CLIC5: variants seen among roughly 807,000 people sequenced by gnomAD.
CLIC5 encodes CLIC family member 5, also known as chloride intracellular channel protein 5.
A neutral mutation model predicts 24.7 loss-of-function variants in CLIC5; 20 were observed. The observed-to-expected ratio is 0.81, with a 90% CI of 0.57 to 1.18. The LOEUF (loss-of-function observed/expected upper bound fraction) is 1.18. Ranked by LOEUF, CLIC5 falls within the 50% of genes most tolerant of loss-of-function variation. The probability of loss-of-function intolerance (pLI) is 0.00; values close to 1 mark genes in which losing one functional copy is unlikely to be tolerated. For synonymous variants in CLIC5, 159 were observed against 135.6 expected (o/e 1.17, Z -1.20); for missense variants, 341 against 326.1 (o/e 1.05, Z -0.35).
chr6:46,023,499 T>C (rs765520431), intron 1 of CLIC5, among the ~76,000 whole-genome samples: 1 of 152,102 alleles, frequency 6.6e-6, no homozygotes, highest in Non-Finnish European at 1.5e-5. Flanking sequence ...ACTGAATTGG[T>C]GGGATAAGTA....
intron 4 of CLIC5, among the ~76,000 whole-genome samples, chr6:45,918,468 G>A (rs1212346716): frequency 2.0e-5 from 3 of 152,234 alleles, no homozygotes; most frequent in Non-Finnish European, 4.4e-5. Flanking sequence ...AGGTCCTGAT[G>A]AGCATAAGGC....
intron 5 of CLIC5, chr6:45,911,809 A>T: frequency 1.0e-6 from 1 of 985,444 alleles, no homozygotes; most frequent in Non-Finnish European, 1.2e-6. Flanking sequence ...AGGCCTGCAG[A>T]TGCCTCTCCC....
chr6:45,956,289 A>G (rs1764639252), intron 1 of CLIC5, among the ~76,000 whole-genome samples: 1 of 152,176 alleles, frequency 6.6e-6, no homozygotes, highest in Non-Finnish European at 1.5e-5. Context: ...CATAATACTT[A>G]GAGGAAGAAA....
the CLIC5 span, among the ~76,000 whole-genome samples, chr6:46,111,515 C>A: frequency 6.6e-6 from 1 of 152,184 alleles, no homozygotes; most frequent in African/African-American, 2.4e-5. Flanking sequence ...TGGGACACAG[C>A]TATTCAATTG....
chr6:45,889,994 C>T (rs1762336015), intron 6 of CLIC5, among the ~76,000 whole-genome samples: 1 of 152,134 alleles, frequency 6.6e-6, no homozygotes, highest in Non-Finnish European at 1.5e-5. Flanking sequence ...ATGGAAAGCT[C>T]TCCAAGACAC....
chr6:45,908,791 T>C (rs955601429), intron 5 of CLIC5, among the ~76,000 whole-genome samples: 1 of 152,222 alleles, frequency 6.6e-6, no homozygotes, highest in African/African-American at 2.4e-5. Flanking sequence ...TTATGTCCAA[T>C]TGTCAAGTGT....
upstream of CLIC5, among the ~76,000 whole-genome samples, chr6:46,082,460 C>A (rs1398899030): frequency 6.6e-6 from 1 of 152,170 alleles, no homozygotes; most frequent in East Asian, 1.9e-4. Flanking sequence ...TTAGTGAAAG[C>A]CAAAGTCCTT....
chr6:46,039,399 C>T (rs1423643955), intron 1 of CLIC5, among the ~76,000 whole-genome samples: 2 of 150,088 alleles, frequency 1.3e-5, no homozygotes, highest in African/African-American at 4.9e-5. Flanking sequence ...TTAAAAAAAC[C>T]AGATATACAT....
downstream of CLIC5, among the ~76,000 whole-genome samples, chr6:45,894,538 A>C (rs569590949): frequency 2.3e-4 from 35 of 152,364 alleles, no homozygotes; most frequent in Middle Eastern, 3.4e-3. Context: ...TGCATGAAAA[A>C]AATCCCATTA....
At chr6:46,044,424 T>A (rs1279112472) in intron 1 of CLIC5, among the ~76,000 whole-genome samples, 1 of 151,636 alleles carries the variant, frequency 6.6e-6, no homozygotes, top group Admixed American at 6.6e-5. Flanking sequence ...TGGAAAGAGA[T>A]TTTACCTGTA....
chr6:46,092,982 ATC>A, the CLIC5 span, among the ~76,000 whole-genome samples: 1 of 152,158 alleles, frequency 6.6e-6, no homozygotes, highest in Admixed American at 6.5e-5. Flanking sequence ...CCAAAAACTT[ATC>A]TTTGTCTCTT....
intron 1 of CLIC5, among the ~76,000 whole-genome samples, chr6:46,006,230 C>G (rs531627204): frequency 4.0e-5 from 6 of 148,706 alleles, no homozygotes; most frequent in Non-Finnish European, 8.9e-5. Flanking sequence ...CTGCAGCCTC[C>G]GCCTCCTTGG....
At chr6:45,949,914 T>C (rs1197141031) in intron 2 of CLIC5, among the ~76,000 whole-genome samples, 3 of 152,216 alleles carry the variant, frequency 2.0e-5, no homozygotes, top group Non-Finnish European at 4.4e-5. Flanking sequence ...ATAACTAATG[T>C]CTAACATTGG....
chr6:45,961,447 ACT>A (rs1159684719), intron 1 of CLIC5, among the ~76,000 whole-genome samples: 4 of 152,148 alleles, frequency 2.6e-5, no homozygotes, highest in African/African-American at 9.7e-5. Flanking sequence ...CTAACTCCTG[ACT>A]CTCAGTTCTG....
Position 46,070,167 on chromosome 6 carries a change from C to T in CLIC5, c.540+9536G>A, listed in dbSNP as rs148841306. On this transcript the variant is annotated intron_variant, in intron 1 of 5. Transcript: ENST00000185206. ...ATACCTTTTGAAAACCAGCACAAGA[C>T]AAGAAGGCCCTCTCTCACCACTCCT... Among the ~76,000 whole-genome samples, 1,307 of 152,280 alleles carry T rather than the reference C, an allele frequency of 8.6e-3. 17 individuals carry two copies. Among genetic ancestry groups the T allele is most frequent in the African/African-American group, 0.03 (1,261 of 41,536 alleles).
upstream of CLIC5, among the ~76,000 whole-genome samples, chr6:46,083,274 T>G (rs1401567527): frequency 6.6e-6 from 1 of 152,264 alleles, no homozygotes; most frequent in Non-Finnish European, 1.5e-5. Context: ...CTCTATTTCC[T>G]TCAGTTCTGC....
At position 45,902,394 on chromosome 6, in the gene CLIC5, T is replaced by C. The variant is rs1762533657; in HGVS notation, c.*694A>G. On this transcript the variant is annotated 3_prime_UTR_variant, in exon 6 of 6. Coordinates refer to ENST00000339561, the MANE Select transcript of CLIC5 (RefSeq NM_016929.5). ...TTAGAATTGCATGCCAATTTCCTTT[T>C]CTGGCAGGGCCTGGACGGCATGGAA... 6.5e-6 allele frequency: 1 copy of C among 152,870 alleles called. No homozygotes were observed. The highest frequency in any genetic ancestry group is 6.5e-5 in the Admixed American group (1 of 15,310). 9.5% of individuals were successfully genotyped at this position (152,870 alleles called of 1,614,324 possible). A position where few individuals can be genotyped will look rare whatever the true frequency, so the allele number is the denominator to read the frequency against.
rs1266254196 is a variant in CLIC5, at chr6:45,899,659, A to G, written c.*3429T>C. 2 of 152,184 alleles carry G rather than the reference A, an allele frequency of 1.3e-5. No individual in the cohort carries two copies. Among genetic ancestry groups the G allele is most frequent in the African/African-American group, 4.8e-5 (2 of 41,414 alleles). 9.4% of individuals were successfully genotyped at this position (152,184 alleles called of 1,614,324 possible). ...TTATGACAGTTCTAAGATGCTTGGT[A>G]TTGTCTGTCTGTGGAGTGGCCATGG... On this transcript the variant is annotated 3_prime_UTR_variant, in exon 6 of 6. Coordinates refer to ENST00000339561, the MANE Select transcript of CLIC5 (RefSeq NM_016929.5).
chr6:46,024,907 C>G (rs1024569803), intron 1 of CLIC5, among the ~76,000 whole-genome samples: 1 of 152,010 alleles, frequency 6.6e-6, no homozygotes, highest in African/African-American at 2.4e-5. Flanking sequence ...GTCTCCTAAG[C>G]TAAGATACAA....
Sources: allele counts gnomAD v4.1 joint callset (sites outside exome capture counted in the v4.1 genomes callset), GRCh38; gene constraint gnomAD v4.1.1; transcripts MANE v1.5; gene names NCBI Gene and HGNC (gene_info 2026-07-23, HGNC 2026-07-21).